MACROD2: variants seen among roughly 807,000 people sequenced by gnomAD.
MACROD2 encodes the protein mono-ADP ribosylhydrolase 2.
In MACROD2, 36 loss-of-function variants were observed where a neutral mutation model predicts 70.4. The observed-to-expected ratio is 0.51, with a 90% CI of 0.39 to 0.68. MACROD2 has a LOEUF of 0.68. MACROD2 is among the 30% of genes least tolerant of loss of function. MACROD2 has a pLI of 0.00. For missense variants in MACROD2, 496 were observed against 538.4 expected (o/e 0.92, Z 0.78); for synonymous variants, 172 against 178.8 (o/e 0.96, Z 0.30).
chr20:15,358,506 G>A (rs111535289), intron 6 of MACROD2, among the ~76,000 whole-genome samples: 3 of 151,226 alleles, frequency 2.0e-5, no homozygotes, highest in African/African-American at 7.3e-5. Flanking sequence ...TAAATATATT[G>A]TCAATCTCTC....
At chr20:14,507,061 C>T (rs2084977057) in intron 4 of MACROD2, among the ~76,000 whole-genome samples, 1 of 152,014 alleles carries the variant, frequency 6.6e-6, no homozygotes, top group South Asian at 2.1e-4. Context: ...GACTAGTATT[C>T]AGAGAGAAAA....
chr20:14,701,671 CG>C (rs1555818187), intron 5 of MACROD2, among the ~76,000 whole-genome samples: 1 of 152,038 alleles, frequency 6.6e-6, no homozygotes, highest in Non-Finnish European at 1.5e-5. Context: ...GATGAGAGTC[CG>C]TGCAATTTTC....
At chr20:15,259,470 G>A (rs113898868) in intron 6 of MACROD2, among the ~76,000 whole-genome samples, 56 of 152,148 alleles carry the variant, frequency 3.7e-4, no homozygotes, top group African/African-American at 1.2e-3. Flanking sequence ...GCCAGTTTAT[G>A]AGAGACATTA....
intron 2 of MACROD2, among the ~76,000 whole-genome samples, chr20:14,073,403 G>A (rs754502445): frequency 2.0e-5 from 3 of 151,998 alleles, no homozygotes; most frequent in African/African-American, 4.8e-5. Context: ...TTTAACTTTG[G>A]TTGAAAGGAG....
chr20:14,071,923 A>G (rs2053849253), intron 2 of MACROD2, among the ~76,000 whole-genome samples: 1 of 152,218 alleles, frequency 6.6e-6, no homozygotes, highest in Non-Finnish European at 1.5e-5. Flanking sequence ...ATTTTAAAAA[A>G]TCAGAATAAG....
chr20:15,953,517 A>G (rs527530504), intron 12 of MACROD2, among the ~76,000 whole-genome samples: 133 of 152,300 alleles, frequency 8.7e-4, no homozygotes, highest in African/African-American at 3.2e-3. Flanking sequence ...AATGAAATAA[A>G]TTTATTTCAT....
chr20:14,908,417 G>T (rs930949371), intron 5 of MACROD2, among the ~76,000 whole-genome samples: 2 of 152,114 alleles, frequency 1.3e-5, no homozygotes, highest in African/African-American at 4.8e-5. Context: ...CACTTTGGGA[G>T]GCCGAGGTGG....
intron 3 of MACROD2, among the ~76,000 whole-genome samples, chr20:14,259,875 A>T (rs1002365264): frequency 1.3e-4 from 20 of 152,348 alleles, no homozygotes; most frequent in African/African-American, 4.8e-4. Flanking sequence ...GGGAAAACTC[A>T]TGAATCAATC....
At chr20:14,585,172 C>A (rs921538518) in intron 4 of MACROD2, among the ~76,000 whole-genome samples, 2 of 152,122 alleles carry the variant, frequency 1.3e-5, no homozygotes, top group Admixed American at 6.6e-5. Flanking sequence ...ATGCTTTAGC[C>A]AGAATTTTTA....
In MACROD2 at chr20:15,275,050, T is replaced by TG. The variant is rs552482860; in HGVS notation, c.540+44994dup. 8.1e-4 allele frequency among the ~76,000 whole-genome samples: 123 copies of TG among 151,452 alleles called. 1 individual carries two copies. Among genetic ancestry groups the TG allele is most frequent in the African/African-American group, 2.8e-3 (117 of 41,212 alleles). On this transcript the variant is annotated intron_variant, in intron 6 of 17. Coordinates refer to ENST00000684519, the MANE Select transcript of MACROD2 (RefSeq NM_001351661.2). ...AATTGAAAAAGGAGGCTGGGGTGAC[T>TG]GGGGGTGGGGGAGGTGCTAAAGGGT...
At chr20:15,605,289 C>T (rs565907871) in intron 8 of MACROD2, among the ~76,000 whole-genome samples, 1 of 152,236 alleles carries the variant, frequency 6.6e-6, no homozygotes, top group African/African-American at 2.4e-5. Context: ...GCACTCTTGA[C>T]TCTCCTGTCT....
intron 3 of MACROD2, among the ~76,000 whole-genome samples, chr20:14,238,723 G>A (rs2081900568): frequency 1.3e-5 from 2 of 152,068 alleles, no homozygotes; most frequent in Non-Finnish European, 1.5e-5. Context: ...TACAAAATCA[G>A]TGTACAAAAA....
intron 6 of MACROD2, among the ~76,000 whole-genome samples, chr20:15,414,487 AAATTGCCCCACTAGGAAAC>A (rs2046120529): frequency 6.6e-6 from 1 of 152,216 alleles, no homozygotes; most frequent in Non-Finnish European, 1.5e-5. Flanking sequence ...GAAACCGATA[AAATTGCCCCACTAGGAAAC>A]AATTGAGTCT....
intron 6 of MACROD2, among the ~76,000 whole-genome samples, chr20:15,260,893 T>C (rs1188318360): frequency 6.6e-6 from 1 of 152,078 alleles, no homozygotes; most frequent in East Asian, 1.9e-4. Flanking sequence ...AGAAGTCACA[T>C]TAAGAAATGT....
At chr20:15,957,184 G>A (rs2065989490) in intron 12 of MACROD2, among the ~76,000 whole-genome samples, 1 of 152,156 alleles carries the variant, frequency 6.6e-6, no homozygotes, top group Admixed American at 6.5e-5. Flanking sequence ...GAAAATGGTA[G>A]ACATGTTCTA....
intron 8 of MACROD2, among the ~76,000 whole-genome samples, chr20:15,681,220 A>T (rs1040083559): frequency 6.6e-6 from 1 of 152,234 alleles, no homozygotes; most frequent in Admixed American, 6.5e-5. Flanking sequence ...AAGATGGCTC[A>T]TGTAAACTCT....
At chr20:14,255,821 A>T (rs1380891322) in intron 3 of MACROD2, among the ~76,000 whole-genome samples, 1 of 151,716 alleles carries the variant, frequency 6.6e-6, no homozygotes, top group East Asian at 1.9e-4. Flanking sequence ...TCTGAATCAC[A>T]TTCTCCCTCT....
intron 5 of MACROD2, among the ~76,000 whole-genome samples, chr20:15,002,766 C>T (rs192758885): frequency 1.0e-3 from 158 of 152,174 alleles, no homozygotes; most frequent in African/African-American, 3.1e-3. Context: ...AGTGTTAAAC[C>T]GGAAACTTCT....
rs559362735 is a variant in MACROD2 at position 15,650,909 on chromosome 20, A to G, written c.645+151062A>G. On this transcript the variant is annotated intron_variant, in intron 8 of 17. Coordinates refer to ENST00000684519, the MANE Select transcript of MACROD2 (RefSeq NM_001351661.2). ...GTTGGTGTCATCAGCACACCTGACA[A>G]TGATCTTCTTATCCTTATGGAACTG... 1.6e-3 allele frequency among the ~76,000 whole-genome samples: 240 copies of G among 152,308 alleles called. 2 individuals carry two copies. The highest frequency in any genetic ancestry group is 5.7e-3 in the African/African-American group (235 of 41,572).
Sources: gnomAD v4.1 joint callset for allele counts (sites outside exome capture counted in the v4.1 genomes callset) on GRCh38, gnomAD v4.1.1 for gene constraint, MANE v1.5 for transcripts, NCBI Gene and HGNC (gene_info 2026-07-23, HGNC 2026-07-21) for gene names.